Variants in HID1 observed in about 807,000 individuals in gnomAD.
HID1 encodes the protein HID1 domain containing.
Under a neutral mutation model 89.7 loss-of-function variants are expected in HID1, and 42 were observed. That is an observed-to-expected ratio of 0.47 (90% CI 0.37 to 0.61). The LOEUF is 0.61. Ranked by LOEUF, HID1 falls within the 20% of genes least tolerant of loss-of-function variation. The pLI is 0.00. For synonymous variants in HID1, 442 were observed against 433.8 expected, an observed-to-expected ratio of 1.02 and a Z score of -0.24; for missense variants, 854 against 1,039.3, an observed-to-expected ratio of 0.82 and a Z score of 2.45.
At position 74,958,482 on chromosome 17, in the gene HID1, C is replaced by T. The variant is rs754575257; in HGVS notation, c.1241-4G>A. 1.2e-5 allele frequency: 19 copies of T among 1,587,084 alleles called. No individual in the cohort carries two copies. The highest frequency in any genetic ancestry group is 9.1e-5 in the South Asian group (8 of 87,758). ...ATGTGCATCAGGCCCACCCGAGCTG[C>T]GGCAGGTGGCGTGGGAGGGGTCACT... On this transcript the variant is annotated splice_region_variant and splice_polypyrimidine_tract_variant and intron_variant, in intron 10 of 18. Coordinates refer to ENST00000425042, the MANE Select transcript of HID1 (RefSeq NM_030630.3). This position sits in a 1 kb window ranked among gnomAD's most constrained non-coding sequence, Gnocchi z 5.2.
In HID1 at chr17:74,972,648, C is replaced by G. The variant is rs553753274; in HGVS notation, c.9G>C (p.Ser3=). 251 of 1,548,212 alleles carry G rather than the reference C, an allele frequency of 1.6e-4. 1 individual carries two copies. The African/African-American group carries it at 2.8e-3, about 18-fold the overall frequency. Residue 3 remains serine (S), a synonymous_variant, in exon 1 of 19, where the codon TCG becomes TCC. Coordinates refer to ENST00000425042, the MANE Select transcript of HID1 (RefSeq NM_030630.3). This position sits in a 1 kb window ranked among gnomAD's most constrained non-coding sequence, Gnocchi z 6.4. ...TCCGGAAGTTCAGCTTGGAGTCGGT[C>G]GACCCCATGTCTCTGGAGCCCGCTC... MG[S]TDSKLNFRKA...
In HID1 at chr17:74,958,651, C is replaced by CG; in HGVS notation, c.1240+21_1240+22insC. 1 of 769,992 alleles carries CG rather than the reference C, an allele frequency of 1.3e-6. No individual in the cohort carries two copies. The highest frequency in any genetic ancestry group is 2.3e-6 in the Non-Finnish European group (1 of 442,118). 47.7% of individuals were successfully genotyped at this position (769,992 alleles called of 1,614,324 possible). ...TCGCCGCCAGGAAAGCCCCCAGCAT[C>CG]CCACCCCCACCCTGGTCTTACACTG... On this transcript the variant is annotated intron_variant, in intron 10 of 18. Coordinates refer to ENST00000425042, the MANE Select transcript of HID1 (RefSeq NM_030630.3). This position sits in a 1 kb window ranked among gnomAD's most constrained non-coding sequence, Gnocchi z 5.2.
intron 12 of HID1, among the ~76,000 whole-genome samples, chr17:74,957,502 A>T (rs2039407513): frequency 1.3e-5 from 2 of 151,840 alleles, no homozygotes; most frequent in South Asian, 2.1e-4. Flanking sequence ...AAAATAAAAT[A>T]AAATAAATAA....
intron 18 of HID1, 107 bp from the exon 19 acceptor site, chr17:74,951,740 G>T: frequency 7.2e-7 from 1 of 1,379,692 alleles, no homozygotes; most frequent in Non-Finnish European, 1.0e-6. Flanking sequence ...CCATCCCGAT[G>T]TCCCACCCTG....
Position 74,960,166 on chromosome 17 carries a change from G to A in HID1, c.811C>T (p.Leu271=). 1 of 1,613,992 alleles carries A rather than the reference G, an allele frequency of 6.2e-7. No individual in the cohort carries two copies. Among genetic ancestry groups the A allele is most frequent in the Non-Finnish European group, 8.5e-7 (1 of 1,180,034 alleles). ...GGTTCCCGGTAGTCAGAGAAGAGCAGGTGGTTGTAGGGGATCCCGTAGCCC... is the reference window on the plus strand; with the variant it reads ...GGTTCCCGGTAGTCAGAGAAGAGCAAGTGGTTGTAGGGGATCCCGTAGCCC... ...PVGYGIPYNH[L]LFSDYREPLV... is the part of the protein sequence containing the mutation. The change falls in exon 7 of 19, where the codon CTG becomes TTG. Residue 271 remains leucine (L), a synonymous_variant. Coordinates refer to ENST00000425042, the MANE Select transcript of HID1 (RefSeq NM_030630.3).
Position 74,958,653 on chromosome 17 carries a change from C to T in HID1, c.1240+20G>A. The stretch of plus-strand genomic sequence containing the variant: ...GCCGCCAGGAAAGCCCCCAGCATCC[C>T]ACCCCCACCCTGGTCTTACACTGAT... On this transcript the variant is annotated intron_variant, in intron 10 of 18. Transcript: ENST00000425042. This position sits in a 1 kb window ranked among gnomAD's most constrained non-coding sequence, Gnocchi z 5.2. The T allele has an allele frequency of 6.9e-7, 1 of 1,449,558 alleles. No homozygotes were observed. Among genetic ancestry groups the T allele is most frequent in the Non-Finnish European group, 9.7e-7 (1 of 1,032,044 alleles). The allele number at this position is 1,449,558 out of a possible 1,614,324, so 89.8% of individuals were successfully genotyped here. A position where few individuals can be genotyped will look rare whatever the true frequency, so the allele number is the denominator to read the frequency against.
At chr17:74,963,223 CTGGT>C (rs2039512042) in intron 3 of HID1, 142 bp from the exon 4 acceptor site, 1 of 600,490 alleles carries the variant, frequency 1.7e-6, no homozygotes, top group African/African-American at 1.9e-5. Context: ...AAGTGGACTC[CTGGT>C]TGCCCCAAAC....
chr17:74,953,326 G>A (rs2039335900), intron 15 of HID1, among the ~76,000 whole-genome samples: 1 of 152,182 alleles, frequency 6.6e-6, no homozygotes, highest in African/African-American at 2.4e-5. Context: ...GAAGTCTGAA[G>A]GCCAAGGGCT....
Position 74,959,003 on chromosome 17 carries a change from G to C in HID1, c.1057C>G (p.Leu353Val). 6.2e-7 allele frequency: 1 copy of C among 1,601,090 alleles called. No homozygotes were observed. The highest frequency in any genetic ancestry group is 1.1e-5 in the South Asian group (1 of 89,700). Residue 353 changes from leucine to valine, a missense_variant, in exon 9 of 19, where the codon CTG becomes GTG. By Grantham distance (32) the Leu-to-Val change is conservative. Coordinates refer to ENST00000425042, the MANE Select transcript of HID1 (RefSeq NM_030630.3). The surrounding 1 kb of genome is among the most constrained non-coding windows in gnomAD (Gnocchi z 4.6). Reference protein sequence around the residue: ...KGIARLLSNPLLQTYLPNSTK... With the variant: ...KGIARLLSNPVLQTYLPNSTK... ...GAGTTAGGCAGGTAGGTCTGGAGCA[G>C]GGGGTTGGACAGCAGCCGGGCTATA...
Position 74,962,345 on chromosome 17 carries a change from G to A in HID1, c.505-5C>T. 2 of 1,600,502 alleles carry A rather than the reference G, an allele frequency of 1.2e-6. No homozygotes were observed. Among genetic ancestry groups the A allele is most frequent in the Middle Eastern group, 1.7e-4 (1 of 6,020 alleles). Reference sequence around the variant, plus strand: ...GTGGACGTCCTCTGCCGAGTCCTGGGGACAGGCCAGGAAGAAGCCGGGTTA... The same window carrying A: ...GTGGACGTCCTCTGCCGAGTCCTGGAGACAGGCCAGGAAGAAGCCGGGTTA... On this transcript the variant is annotated splice_region_variant and splice_polypyrimidine_tract_variant and intron_variant, in intron 4 of 18. Coordinates refer to ENST00000425042, the MANE Select transcript of HID1 (RefSeq NM_030630.3). This position sits in a 1 kb window ranked among gnomAD's most constrained non-coding sequence, Gnocchi z 4.3.
chr17:74,964,468 C>T lies in HID1; in HGVS notation c.216+15G>A. On this transcript the variant is annotated intron_variant, in intron 2 of 18. Coordinates refer to ENST00000425042, the MANE Select transcript of HID1 (RefSeq NM_030630.3). ...GAGGGTGGAAGAGTAGCAGGAGGGA[C>T]TGGGCAGCCCTCACCTTGTAGCACA... is the stretch of plus-strand genomic sequence containing the variant. 1 of 1,605,102 alleles carries T rather than the reference C, an allele frequency of 6.2e-7. No homozygotes were observed. The highest frequency in any genetic ancestry group is 1.7e-4 in the Middle Eastern group (1 of 5,944).
At chr17:74,954,776 C>G (rs2039363670) in intron 13 of HID1, 1 of 251,462 alleles carries the variant, frequency 4.0e-6, no homozygotes, top group Non-Finnish European at 7.8e-6. Flanking sequence ...GTCCATCCCC[C>G]AACGCTGACT....
At chr17:74,957,863 G>A (rs928666938) in intron 12 of HID1, 1 of 417,404 alleles carries the variant, frequency 2.4e-6, no homozygotes, top group Non-Finnish European at 4.5e-6. Flanking sequence ...TGGTGCCACT[G>A]CACTCCAGCC....
Position 74,958,062 on chromosome 17 carries a change from C to A in HID1, c.1471+79G>T, listed in dbSNP as rs2039418713. 1.5e-6 allele frequency: 2 copies of A among 1,350,934 alleles called. No homozygotes were observed. Among genetic ancestry groups the A allele is most frequent in the South Asian group, 2.5e-5 (2 of 79,326 alleles). The allele number at this position is 1,350,934 out of a possible 1,614,324, so 83.7% of individuals were successfully genotyped here. ...TCTGTGGGCTGGAGGGGCTTGAAAC[C>A]TGGAGCAAGTGGCAGGTTGGCCTGT... On this transcript the variant is annotated intron_variant, in intron 12 of 18. Coordinates refer to ENST00000425042, the MANE Select transcript of HID1 (RefSeq NM_030630.3). This position sits in a 1 kb window ranked among gnomAD's most constrained non-coding sequence, Gnocchi z 5.2.
intron 15 of HID1, 91 bp downstream of exon 15, chr17:74,953,454 C>A: frequency 9.8e-7 from 1 of 1,020,336 alleles, no homozygotes; most frequent in Non-Finnish European, 1.5e-6. Flanking sequence ...TGCAGGTGAC[C>A]CCAGAGTGCC....
rs554022545 is a variant in HID1 at position 74,965,520 on chromosome 17, C to T, written c.67-888G>A. 1.9e-4 allele frequency among the ~76,000 whole-genome samples: 29 copies of T among 152,350 alleles called. 1 individual carries two copies. The East Asian group carries it at 5.6e-3, about 29-fold the overall frequency. ...CTACTCCAGGACTCCACCCTGCCAT[C>T]TCTTCTCTTGACCTTCACCCAAGCT... On this transcript the variant is annotated intron_variant, in intron 1 of 18. Coordinates refer to ENST00000425042, the MANE Select transcript of HID1 (RefSeq NM_030630.3).
chr17:74,960,170 G>A lies in HID1; in HGVS notation c.807C>T (p.Asn269=). ...YDPVGYGIPY[N]HLLFSDYREP... ...CCCGGTAGTCAGAGAAGAGCAGGTG[G>A]TTGTAGGGGATCCCGTAGCCCACAG... The change falls in exon 7 of 19, where the codon AAC becomes AAT. Residue 269 remains asparagine, a synonymous_variant. Coordinates refer to ENST00000425042, the MANE Select transcript of HID1 (RefSeq NM_030630.3). 1.2e-6 allele frequency: 2 copies of A among 1,613,966 alleles called. No individual in the cohort carries two copies. The highest frequency in any genetic ancestry group is 1.7e-6 in the Non-Finnish European group (2 of 1,180,030).
chr17:74,969,421 C>T (rs974282105), intron 1 of HID1, among the ~76,000 whole-genome samples: 3 of 152,048 alleles, frequency 2.0e-5, no homozygotes, highest in Non-Finnish European at 4.4e-5. Context: ...CTCCTGACCT[C>T]GTGATCCACC....
Position 74,965,441 on chromosome 17 carries a change from GCA to G in HID1, c.67-811_67-810del, listed in dbSNP as rs1450713717. On this transcript the variant is annotated intron_variant, in intron 1 of 18. Transcript: ENST00000425042. ...TCACAGAAACATGCCTTACACACGTGCACACAGACACACATGCGTACACACGT... is the reference window on the plus strand; with the variant it reads ...TCACAGAAACATGCCTTACACACGTGCACAGACACACATGCGTACACACGT... Among the ~76,000 whole-genome samples the G allele has an allele frequency of 2.6e-5, 4 of 152,196 alleles. No individual in the cohort carries two copies. The East Asian group carries it at 7.7e-4, about 29-fold the overall frequency.
Sources: gnomAD v4.1 joint callset for allele counts (sites outside exome capture counted in the v4.1 genomes callset) on GRCh38, gnomAD v4.1.1 for gene constraint, Gnocchi (gnomAD v3.1) non-coding constraint, MANE v1.5 for transcripts, NCBI Gene and HGNC (gene_info 2026-07-23, HGNC 2026-07-21) for gene names.